RRAS2: variants seen among roughly 807,000 people sequenced by gnomAD.
The protein encoded by RRAS2 is ras-related protein R-Ras2.
RRAS2 carries 7 observed loss-of-function variants against 27.6 expected under a neutral mutation model. That is an observed-to-expected ratio of 0.25 (90% CI 0.14 to 0.48). The LOEUF is 0.48. Among genes scored for constraint, RRAS2 ranks in the 20% least tolerant of loss-of-function variants. The pLI is 0.99. For missense variants in RRAS2, 178 were observed against 256.2 expected, an observed-to-expected ratio of 0.69 and a Z score of 2.08; for synonymous variants, 86 against 90.9, an observed-to-expected ratio of 0.95 and a Z score of 0.31.
chr11:14,295,382 A>G (rs1276685186), intron 2 of RRAS2, among the ~76,000 whole-genome samples: 2 of 152,218 alleles, frequency 1.3e-5, no homozygotes, highest in Non-Finnish European at 2.9e-5. Flanking sequence ...AGTACTTGCT[A>G]AAGTCTCTGT....
intron 1 of RRAS2, among the ~76,000 whole-genome samples, chr11:14,302,615 TTCCCAGGGAGCTGCTCCCAC>T (rs1482762467): frequency 6.6e-6 from 1 of 152,166 alleles, no homozygotes; most frequent in Admixed American, 6.5e-5. Flanking sequence ...AAGGAAAAGC[TTCCCAGGGAGCTGCTCCCAC>T]TCCCAGGGAG....
At chr11:14,316,262 C>T (rs1408812354) in intron 1 of RRAS2, among the ~76,000 whole-genome samples, 15 of 152,160 alleles carry the variant, frequency 9.9e-5, no homozygotes, top group Non-Finnish European at 1.5e-4. Flanking sequence ...AGTCTTTTTA[C>T]TTCACTCACA....
intron 1 of RRAS2, among the ~76,000 whole-genome samples, chr11:14,342,996 A>G (rs574029097): frequency 1.3e-5 from 2 of 152,350 alleles, no homozygotes; most frequent in African/African-American, 4.8e-5. Context: ...AGAATATTAC[A>G]AGAGGTTCTG....
intron 2 of RRAS2, 36 bp downstream of exon 2, chr11:14,295,732 G>A: frequency 6.7e-7 from 1 of 1,499,646 alleles, no homozygotes; most frequent in African/African-American, 1.4e-5. Context: ...TAAAAAATAT[G>A]ATATGCAAAT....
chr11:14,361,275 C>T (rs2134051197), upstream of RRAS2, among the ~76,000 whole-genome samples: 1 of 151,980 alleles, frequency 6.6e-6, no homozygotes, highest in South Asian at 2.1e-4. Context: ...TGCACTCCCG[C>T]CTGGGCGACA....
intron 1 of RRAS2, among the ~76,000 whole-genome samples, chr11:14,341,589 CA>C (rs11452893): frequency 4.1e-4 from 60 of 145,226 alleles, no homozygotes; most frequent in East Asian, 1.8e-3. Context: ...TGAGAAGGAC[CA>C]AAAAAAAAAT....
chr11:14,311,887 T>TA lies in RRAS2; in HGVS notation c.109-16033dup, dbSNP rs542963148. Among the ~76,000 whole-genome samples the TA allele has an allele frequency of 3.5e-3, 528 of 150,786 alleles. 2 individuals carry two copies. The highest frequency in any genetic ancestry group is 0.012 in the African/African-American group (506 of 41,018). ...AAAAACTTTTTTTTTTTTCTTGAGA[T>TA]AGAGTCTCACTCTGTTGCCCAGGCT... is the stretch of plus-strand genomic sequence containing the variant. On this transcript the variant is annotated intron_variant, in intron 1 of 5. Transcript: ENST00000256196.
chr11:14,289,156 G>A (rs896225629), intron 4 of RRAS2, among the ~76,000 whole-genome samples: 1 of 152,152 alleles, frequency 6.6e-6, no homozygotes, highest in Non-Finnish European at 1.5e-5. Flanking sequence ...GAGGCTGTAG[G>A]GGGCACACTG....
At chr11:14,335,233 C>A (rs1217053928) in intron 1 of RRAS2, among the ~76,000 whole-genome samples, 1 of 152,118 alleles carries the variant, frequency 6.6e-6, no homozygotes, top group Non-Finnish European at 1.5e-5. Flanking sequence ...TTCCAGAGTC[C>A]CACCTTGAGC....
chr11:14,301,640 TCA>T (rs1463904876), intron 1 of RRAS2, among the ~76,000 whole-genome samples: 1 of 152,130 alleles, frequency 6.6e-6, no homozygotes, highest in Admixed American at 6.6e-5. Context: ...TAAAACACAC[TCA>T]CACTCATCTT....
chr11:14,362,452 C>T (rs908477592), upstream of RRAS2, among the ~76,000 whole-genome samples: 7 of 146,172 alleles, frequency 4.8e-5, no homozygotes, highest in African/African-American at 2.0e-4. Flanking sequence ...TTAGAAAATA[C>T]CCCCAAAAGC....
At chr11:14,311,357 A>G (rs2133983645) in intron 1 of RRAS2, among the ~76,000 whole-genome samples, 1 of 152,272 alleles carries the variant, frequency 6.6e-6, no homozygotes, top group East Asian at 1.9e-4. Flanking sequence ...TAAAAAATAA[A>G]AATAAAATAA....
intron 1 of RRAS2, among the ~76,000 whole-genome samples, chr11:14,339,388 T>C (rs1848653881): frequency 6.6e-6 from 1 of 151,850 alleles, no homozygotes; most frequent in Non-Finnish European, 1.5e-5. Flanking sequence ...TTTCTGTCTA[T>C]AAAGCCAAAC....
chr11:14,327,465 C>T (rs1554951181), intron 1 of RRAS2, among the ~76,000 whole-genome samples: 2 of 152,134 alleles, frequency 1.3e-5, no homozygotes, highest in Non-Finnish European at 2.9e-5. Context: ...CATGCCCTTC[C>T]TAAATGTTTA....
chr11:14,306,603 T>C (rs1847835256), intron 1 of RRAS2, among the ~76,000 whole-genome samples: 2 of 152,134 alleles, frequency 1.3e-5, no homozygotes, highest in Non-Finnish European at 2.9e-5. Context: ...CAATTCCACA[T>C]ACCCAGGATT....
At chr11:14,295,674 A>C (rs782188693) in intron 2 of RRAS2, 94 bp downstream of exon 2, 23 of 964,250 alleles carry the variant, frequency 2.4e-5, no homozygotes, top group Non-Finnish European at 3.5e-5. Context: ...ATCATCTAAT[A>C]TTTCAAATAT....
chr11:14,287,693 G>A (rs1162335420), intron 4 of RRAS2, among the ~76,000 whole-genome samples: 3 of 151,956 alleles, frequency 2.0e-5, no homozygotes, highest in African/African-American at 7.3e-5. Flanking sequence ...CCAACATGGT[G>A]AAACCCTATC....
intron 1 of RRAS2, among the ~76,000 whole-genome samples, chr11:14,306,522 G>T (rs1847833389): frequency 6.6e-6 from 1 of 152,084 alleles, no homozygotes; most frequent in Admixed American, 6.6e-5. Context: ...CCTGCCATAA[G>T]TGAGTACATA....
chr11:14,305,916 G>A (rs1456194692), intron 1 of RRAS2, among the ~76,000 whole-genome samples: 3 of 151,944 alleles, frequency 2.0e-5, no homozygotes, highest in Non-Finnish European at 2.9e-5. Context: ...GTGGTGGTGC[G>A]TAACTGTAGT....
Sources: gnomAD v4.1 joint callset for allele counts (sites outside exome capture counted in the v4.1 genomes callset) on GRCh38, gnomAD v4.1.1 for gene constraint, MANE v1.5 for transcripts, NCBI Gene and HGNC (gene_info 2026-07-23, HGNC 2026-07-21) for gene names.